The following COL11A1 variants were observed in gnomAD, a reference collection of about 807,000 sequenced individuals.
The protein encoded by COL11A1 is collagen type XI alpha 1 chain.
A neutral mutation model predicts 265.2 loss-of-function variants in COL11A1; 74 were observed. That is an observed-to-expected ratio of 0.28 (90% CI 0.23 to 0.34). The LOEUF is 0.34. Ranked by LOEUF, COL11A1 falls within the 10% of genes least tolerant of loss-of-function variation. COL11A1 has a pLI of 1.00. For synonymous variants in COL11A1, 816 were observed against 727.6 expected (o/e 1.12, Z -1.96); for missense variants, 2,165 against 2,263.6 (o/e 0.96, Z 0.88).
At chr1:103,029,957 T>C (rs1486248582) in intron 5 of COL11A1, among the ~76,000 whole-genome samples, 1 of 152,202 alleles carries the variant, frequency 6.6e-6, no homozygotes. Flanking sequence ...TCTTTCTTTA[T>C]AAAGGAGCAA....
intron 14 of COL11A1, among the ~76,000 whole-genome samples, chr1:103,009,007 T>C (rs949671928): frequency 6.6e-6 from 1 of 152,258 alleles, no homozygotes; most frequent in African/African-American, 2.4e-5. Context: ...CCTGGTGTTA[T>C]TGATACTATT....
intron 2 of COL11A1, among the ~76,000 whole-genome samples, chr1:103,081,281 G>A (rs1672391617): frequency 6.6e-6 from 1 of 151,796 alleles, no homozygotes; most frequent in Admixed American, 6.6e-5. Flanking sequence ...CCTGTAATCT[G>A]AGTAGTTCTA....
chr1:102,880,060 T>A, intron 65 of COL11A1, 144 bp from the exon 66 acceptor site: 1 of 641,898 alleles, frequency 1.6e-6, no homozygotes, highest in South Asian at 1.9e-5. Flanking sequence ...TGAAAAAAAG[T>A]GTACATTGAG....
chr1:102,915,606 A>G lies in COL11A1; in HGVS notation c.3816+25T>C, dbSNP rs1277363228. ...GAAATTCCCAAACCAATAATACACTATGTTAACAATAACACAGTACTTACG... is the reference window on the plus strand; with the variant it reads ...GAAATTCCCAAACCAATAATACACTGTGTTAACAATAACACAGTACTTACG... On this transcript the variant is annotated intron_variant, in intron 50 of 66. Transcript: ENST00000370096. 8 of 1,587,740 alleles carry G rather than the reference A, an allele frequency of 5.0e-6. No homozygotes were observed. The African/African-American group carries it at 5.4e-5, about 11-fold the overall frequency.
chr1:102,943,469 ACACACACACACAC>A (rs1658950866), intron 42 of COL11A1, among the ~76,000 whole-genome samples: 1 of 149,272 alleles, frequency 6.7e-6, no homozygotes, highest in Admixed American at 6.7e-5. Context: ...ACACACACAC[ACACACACACACAC>A]ACAAACAACC....
intron 3 of COL11A1, 48 bp downstream of exon 3, chr1:103,078,610 A>G: frequency 6.4e-7 from 1 of 1,559,732 alleles, no homozygotes; most frequent in Non-Finnish European, 8.8e-7. Flanking sequence ...ACTGAATAAA[A>G]AAAATGATTT....
chr1:103,034,930 A>G (rs1668249526), intron 4 of COL11A1, among the ~76,000 whole-genome samples: 1 of 152,080 alleles, frequency 6.6e-6, no homozygotes, highest in African/African-American at 2.4e-5. Flanking sequence ...TCTCTAAGTA[A>G]GTAGTCTTTG....
chr1:103,002,626 G>T (rs2101831755), intron 22 of COL11A1, 121 bp downstream of exon 22: 1 of 1,108,294 alleles, frequency 9.0e-7, no homozygotes, highest in East Asian at 2.5e-5. Context: ...ATTAATGCAA[G>T]CTGTATCTAA....
intron 7 of COL11A1, 132 bp downstream of exon 7, chr1:103,025,389 C>T: frequency 2.7e-6 from 2 of 728,836 alleles, no homozygotes; most frequent in Non-Finnish European, 4.8e-6. Flanking sequence ...GCTATTGTTT[C>T]TCTTACTTTA....
intron 4 of COL11A1, among the ~76,000 whole-genome samples, chr1:103,033,781 T>C (rs1668158440): frequency 1.3e-5 from 2 of 152,106 alleles, no homozygotes; most frequent in South Asian, 4.1e-4. Flanking sequence ...GAACATTCTT[T>C]TAAATATGGG....
At chr1:102,878,775 C>G (rs1649864717) in intron 66 of COL11A1, among the ~76,000 whole-genome samples, 1 of 151,670 alleles carries the variant, frequency 6.6e-6, no homozygotes, top group Admixed American at 6.6e-5. Context: ...GCCCAAAGTT[C>G]TGGGATTACA....
At chr1:102,964,330 A>G (rs1258205929) in intron 38 of COL11A1, among the ~76,000 whole-genome samples, 1 of 152,224 alleles carries the variant, frequency 6.6e-6, no homozygotes, top group African/African-American at 2.4e-5. Flanking sequence ...AGGAAAAATG[A>G]AAGTATTTTT....
At chr1:103,040,017 A>G in intron 4 of COL11A1, among the ~76,000 whole-genome samples, 1 of 152,086 alleles carries the variant, frequency 6.6e-6, no homozygotes, top group Non-Finnish European at 1.5e-5. Flanking sequence ...AAGAAATGTA[A>G]AAAAGCATCA....
chr1:102,904,000 T>A (rs1037786565), intron 54 of COL11A1, among the ~76,000 whole-genome samples: 1 of 152,148 alleles, frequency 6.6e-6, no homozygotes, highest in African/African-American at 2.4e-5. Flanking sequence ...TACCTAGGAC[T>A]ACAGGCTCAT....
At chr1:102,949,098 G>A (rs553528300) in intron 41 of COL11A1, among the ~76,000 whole-genome samples, 9 of 152,138 alleles carry the variant, frequency 5.9e-5, no homozygotes, top group African/African-American at 2.2e-4. Flanking sequence ...TAATAAAAGT[G>A]CTCCTTTTTT....
intron 1 of COL11A1, among the ~76,000 whole-genome samples, chr1:103,089,474 T>G (rs1673137370): frequency 6.6e-6 from 1 of 152,204 alleles, no homozygotes; most frequent in African/African-American, 2.4e-5. Flanking sequence ...TAAATTATGG[T>G]CATGATTTTC....
intron 9 of COL11A1, among the ~76,000 whole-genome samples, chr1:103,019,215 C>G (rs965445715): frequency 1.3e-5 from 2 of 151,994 alleles, no homozygotes; most frequent in African/African-American, 2.4e-5. Flanking sequence ...AGAATAATAC[C>G]TGGCATAAAA....
chr1:102,938,645 A>T (rs76508520), intron 44 of COL11A1, among the ~76,000 whole-genome samples: 17,504 of 152,140 alleles, frequency 0.12, 1,275 homozygotes, highest in Admixed American at 0.15. Context: ...TTTAAATGAA[A>T]AATTTTAAAA....
At chr1:103,063,492 G>A (rs1037340848) in intron 4 of COL11A1, among the ~76,000 whole-genome samples, 2 of 152,068 alleles carry the variant, frequency 1.3e-5, no homozygotes, top group African/African-American at 4.8e-5. Context: ...AACTAATAGT[G>A]CTGGAACAAC....
Sources: allele counts gnomAD v4.1 joint callset (sites outside exome capture counted in the v4.1 genomes callset), GRCh38; gene constraint gnomAD v4.1.1; transcripts MANE v1.5; gene names NCBI Gene and HGNC (gene_info 2026-07-23, HGNC 2026-07-21).